Variants in TRAM2 observed in about 807,000 individuals in gnomAD.
TRAM2 encodes the protein translocating chain-associated membrane protein 2.
TRAM2 carries 12 observed loss-of-function variants against 51.0 expected under a neutral mutation model. The observed-to-expected ratio is 0.24, with a 90% CI of 0.15 to 0.38. The LOEUF (loss-of-function observed/expected upper bound fraction) is 0.38. Ranked by LOEUF, TRAM2 falls within the 10% of genes least tolerant of loss-of-function variation. The pLI is 1.00. For synonymous variants in TRAM2, 175 were observed against 179.4 expected (o/e 0.98, Z 0.20); for missense variants, 361 against 462.0 (o/e 0.78, Z 2.00).
In TRAM2 at chr6:52,540,426, C is replaced by T. The variant is rs61366133; in HGVS notation, c.121-4580G>A. ...CCACAAAAATGCATTCCAGGAAGTCCTACTCATTGGCTAAAGGTGGCCAGA... is the reference window on the plus strand; with the variant it reads ...CCACAAAAATGCATTCCAGGAAGTCTTACTCATTGGCTAAAGGTGGCCAGA... On this transcript the variant is annotated intron_variant, in intron 1 of 10. Transcript: ENST00000182527. Among the ~76,000 whole-genome samples, 1,093 of 152,238 alleles carry T rather than the reference C, an allele frequency of 7.2e-3. 13 individuals carry two copies. The highest frequency in any genetic ancestry group is 0.024 in the African/African-American group (1,012 of 41,542).
At chr6:52,523,231 A>G (rs1766709340) in intron 2 of TRAM2, 1 of 261,162 alleles carries the variant, frequency 3.8e-6, no homozygotes, top group African/African-American at 2.2e-5. Context: ...ATCCAGAATT[A>G]GATATGGAAA....
intron 1 of TRAM2, among the ~76,000 whole-genome samples, chr6:52,556,544 A>G (rs1385801801): frequency 6.6e-6 from 1 of 151,228 alleles, no homozygotes; most frequent in African/African-American, 2.4e-5. Flanking sequence ...GCCCCCACAG[A>G]GTGTTGGGAT....
chr6:52,564,594 C>T (rs1767559244), intron 1 of TRAM2, among the ~76,000 whole-genome samples: 1 of 152,066 alleles, frequency 6.6e-6, no homozygotes, highest in East Asian at 1.9e-4. Context: ...CTACCCTTCC[C>T]AGAGGGTTTA....
chr6:52,511,451 T>C (rs1766450745), intron 4 of TRAM2, among the ~76,000 whole-genome samples: 1 of 152,166 alleles, frequency 6.6e-6, no homozygotes, highest in East Asian at 1.9e-4. Context: ...AGCCTTCTGG[T>C]CCAATAACTT....
chr6:52,528,180 C>CCTCCTTGGCTCTCGCTGGTG (rs1766817940), intron 2 of TRAM2, among the ~76,000 whole-genome samples: 1 of 152,114 alleles, frequency 6.6e-6, no homozygotes, highest in East Asian at 1.9e-4. Flanking sequence ...CACCCCAGCC[C>CCTCCTTGGCTCTCGCTGGTG]CTCCTTGGCT....
At chr6:52,546,564 C>T (rs1767204191) in intron 1 of TRAM2, among the ~76,000 whole-genome samples, 1 of 152,144 alleles carries the variant, frequency 6.6e-6, no homozygotes, top group South Asian at 2.1e-4. Context: ...GACTTGATGG[C>T]ACAATTAATT....
At chr6:52,529,824 C>G (rs772315526) in intron 2 of TRAM2, 6 of 152,214 alleles carry the variant, frequency 3.9e-5, no homozygotes, top group Non-Finnish European at 8.8e-5. Flanking sequence ...TGTTCTAGAT[C>G]AGAAAGGAAG....
chr6:52,522,035 C>G (rs973796215), intron 2 of TRAM2, among the ~76,000 whole-genome samples: 1 of 152,164 alleles, frequency 6.6e-6, no homozygotes, highest in Non-Finnish European at 1.5e-5. Flanking sequence ...ATACAGAGGC[C>G]CACTGCATTA....
At chr6:52,561,395 G>A (rs12528156) in intron 1 of TRAM2, among the ~76,000 whole-genome samples, 18,428 of 152,148 alleles carry the variant, frequency 0.12, 1,549 homozygotes, top group Admixed American at 0.29. Context: ...TGATTCTCCT[G>A]CCTCAGCCTC....
At chr6:52,509,100 C>T (rs1766402879) in intron 5 of TRAM2, among the ~76,000 whole-genome samples, 1 of 152,194 alleles carries the variant, frequency 6.6e-6, no homozygotes, top group Admixed American at 6.5e-5. Context: ...GAGATGGCCC[C>T]AGGTATTGCC....
chr6:52,516,322 A>G, intron 3 of TRAM2, 200 bp from the exon 4 acceptor site: 1 of 604,334 alleles, frequency 1.7e-6, no homozygotes, highest in East Asian at 2.8e-5. Flanking sequence ...AAGTGGCAAG[A>G]TGAATGTCTC....
rs7771 is a variant in TRAM2, at chr6:52,500,604, G to A, written c.*2593C>T. On this transcript the variant is annotated 3_prime_UTR_variant, in exon 11 of 11. Coordinates refer to ENST00000182527, the MANE Select transcript of TRAM2 (RefSeq NM_012288.4). Reference sequence around the variant, plus strand: ...GGGAAGCAGAGCCTAAGCTGACCCCGGCCACTGGGCTGGTGGGACCACATC... The same window carrying A: ...GGGAAGCAGAGCCTAAGCTGACCCCAGCCACTGGGCTGGTGGGACCACATC... The A allele has an allele frequency of 0.24, 36,948 of 150,824 alleles. 4,846 individuals carry two copies. The highest frequency in any genetic ancestry group is 0.29 in the African/African-American group (11,667 of 40,760). The allele number at this position is 150,824 out of a possible 1,614,324, so 9.3% of individuals were successfully genotyped here. A position where few individuals can be genotyped will look rare whatever the true frequency, so the allele number is the denominator to read the frequency against.
At chr6:52,544,138 G>A (rs754196249) in intron 1 of TRAM2, among the ~76,000 whole-genome samples, 21 of 152,118 alleles carry the variant, frequency 1.4e-4, no homozygotes, top group Non-Finnish European at 3.1e-4. Context: ...CCATCTCCGG[G>A]GGCCATAAAC....
intron 1 of TRAM2, among the ~76,000 whole-genome samples, chr6:52,557,482 G>T (rs774407877): frequency 2.0e-5 from 3 of 152,080 alleles, no homozygotes; most frequent in African/African-American, 7.2e-5. Context: ...ACAAGGAAAC[G>T]GCCACAGTTA....
chr6:52,508,168 C>T lies in TRAM2; in HGVS notation c.555+66G>A. 11 of 1,470,536 alleles carry T rather than the reference C, an allele frequency of 7.5e-6. No homozygotes were observed. The South Asian group carries it at 1.3e-4, about 17-fold the overall frequency. The allele number at this position is 1,470,536 out of a possible 1,614,324, so 91.1% of individuals were successfully genotyped here. A position where few individuals can be genotyped will look rare whatever the true frequency, so the allele number is the denominator to read the frequency against. On this transcript the variant is annotated intron_variant, in intron 6 of 10. Transcript: ENST00000182527. ...CTGGAGAAAAGGAAGGGAGGTACCCCTGGGAATAGCAGGAGGGGAGTGGTC... is the reference window on the plus strand; with the variant it reads ...CTGGAGAAAAGGAAGGGAGGTACCCTTGGGAATAGCAGGAGGGGAGTGGTC...
chr6:52,506,660 C>T (rs1437861881), intron 7 of TRAM2, among the ~76,000 whole-genome samples: 1 of 152,178 alleles, frequency 6.6e-6, no homozygotes, highest in Non-Finnish European at 1.5e-5. Flanking sequence ...CTTCTTAGAC[C>T]CGTTATGCAT....
In TRAM2 at chr6:52,501,672, G is replaced by C. The variant is rs1166157030; in HGVS notation, c.*1525C>G. The C allele has an allele frequency of 6.6e-6, 1 of 152,126 alleles. No homozygotes were observed. The highest frequency in any genetic ancestry group is 1.5e-5 in the Non-Finnish European group (1 of 68,086). The allele number at this position is 152,126 out of a possible 1,614,324, so 9.4% of individuals were successfully genotyped here. On this transcript the variant is annotated 3_prime_UTR_variant, in exon 11 of 11. Transcript: ENST00000182527. ...AGCGATTCTCCTGCCTCAGCCTCCCGAGTAGCTGGGATTACAGGTGCCTGC... is the reference window on the plus strand; with the variant it reads ...AGCGATTCTCCTGCCTCAGCCTCCCCAGTAGCTGGGATTACAGGTGCCTGC...
intron 2 of TRAM2, among the ~76,000 whole-genome samples, chr6:52,527,234 C>T (rs376572092): frequency 2.0e-5 from 3 of 151,684 alleles, no homozygotes; most frequent in African/African-American, 7.3e-5. Context: ...AAAAATTAGC[C>T]GGGCGTGGTG....
At chr6:52,572,438 T>C (rs1465663345) in intron 1 of TRAM2, among the ~76,000 whole-genome samples, 3 of 152,174 alleles carry the variant, frequency 2.0e-5, no homozygotes, top group African/African-American at 7.2e-5. Flanking sequence ...ACCCCGTCTC[T>C]ACTAAAAATA....
Sources: allele counts gnomAD v4.1 joint callset (sites outside exome capture counted in the v4.1 genomes callset), GRCh38; gene constraint gnomAD v4.1.1; transcripts MANE v1.5; gene names NCBI Gene and HGNC (gene_info 2026-07-23, HGNC 2026-07-21).